Variants in OCA2 observed in about 807,000 individuals in gnomAD.
The protein encoded by OCA2 is OCA2 melanosomal transmembrane protein, also known as P protein.
In OCA2, 77 loss-of-function variants were observed where a neutral mutation model predicts 100.2. The ratio of observed to expected loss-of-function variants is 0.77; its 90% CI spans 0.64 to 0.93. OCA2 has a LOEUF of 0.93. Among genes scored for constraint, OCA2 ranks in the 40% least tolerant of loss-of-function variants. The probability of loss-of-function intolerance (pLI) is 0.00; values close to 1 mark genes in which losing one functional copy is unlikely to be tolerated. For missense variants in OCA2, 1,062 were observed against 1,089.1 expected (o/e 0.98, Z 0.35); for synonymous variants, 432 against 439.2 (o/e 0.98, Z 0.21).
chr15:28,087,469 G>A (rs2044795405), intron 1 of OCA2, among the ~76,000 whole-genome samples: 3 of 152,228 alleles, frequency 2.0e-5, no homozygotes, highest in Admixed American at 6.5e-5. Context: ...GGTAAGGAGA[G>A]GCATGGTGGT....
intron 2 of OCA2, among the ~76,000 whole-genome samples, chr15:28,037,991 CCTGT>C (rs1477504207): frequency 6.6e-6 from 1 of 152,212 alleles, no homozygotes; most frequent in Non-Finnish European, 1.5e-5. Flanking sequence ...CAAGGTTTCA[CCTGT>C]CTGTTTCTTT....
intron 9 of OCA2, among the ~76,000 whole-genome samples, chr15:28,002,567 A>G (rs1021453682): frequency 6.6e-6 from 1 of 152,126 alleles, no homozygotes; most frequent in Non-Finnish European, 1.5e-5. Context: ...GAGATTGTGT[A>G]CCTGGTTTGA....
intron 13 of OCA2, 95 bp from the exon 14 acceptor site, chr15:27,983,578 A>G: frequency 7.5e-7 from 1 of 1,341,740 alleles, no homozygotes. Flanking sequence ...TTGCTCGTAT[A>G]AGGGAGGCGC....
intron 2 of OCA2, among the ~76,000 whole-genome samples, chr15:28,069,879 G>A (rs1166825174): frequency 7.9e-6 from 1 of 126,736 alleles, no homozygotes; most frequent in Non-Finnish European, 1.5e-5. Context: ...TGGGATGTGA[G>A]GAGCCCCTCT....
intron 2 of OCA2, among the ~76,000 whole-genome samples, chr15:28,069,827 G>A (rs371133645): frequency 0.042 from 5,324 of 126,248 alleles, 93 homozygotes; most frequent in East Asian, 0.12. Flanking sequence ...CCGCCACCCC[G>A]TCTGGGAAGT....
intron 23 of OCA2, among the ~76,000 whole-genome samples, chr15:27,778,583 C>T (rs2032370271): frequency 6.6e-6 from 1 of 151,624 alleles, no homozygotes; most frequent in South Asian, 2.1e-4. Context: ...TTTTAAATTA[C>T]ATATCTTGTA....
At chr15:27,882,068 T>C (rs1443387722) in intron 19 of OCA2, among the ~76,000 whole-genome samples, 2 of 152,184 alleles carry the variant, frequency 1.3e-5, no homozygotes, top group African/African-American at 4.8e-5. Flanking sequence ...TTCTTTGTTC[T>C]CTTTGGTTTC....
intron 23 of OCA2, among the ~76,000 whole-genome samples, chr15:27,803,387 T>C (rs2033693378): frequency 6.6e-6 from 1 of 152,238 alleles, no homozygotes; most frequent in South Asian, 2.1e-4. Flanking sequence ...TGGAATATTA[T>C]TCATCCTTAA....
At chr15:27,878,055 T>C (rs1260915932) in intron 19 of OCA2, among the ~76,000 whole-genome samples, 1 of 151,678 alleles carries the variant, frequency 6.6e-6, no homozygotes, top group African/African-American at 2.4e-5. Context: ...TGAATTAAAA[T>C]ATACATACAT....
chr15:27,881,752 C>G (rs1029188220), intron 19 of OCA2, among the ~76,000 whole-genome samples: 1 of 151,846 alleles, frequency 6.6e-6, no homozygotes, highest in African/African-American at 2.4e-5. Context: ...CTATTTGATT[C>G]TTCTCTCTTT....
chr15:28,040,663 A>T (rs894376341), intron 2 of OCA2, among the ~76,000 whole-genome samples: 1 of 152,170 alleles, frequency 6.6e-6, no homozygotes, highest in African/African-American at 2.4e-5. Flanking sequence ...ATGACTACCA[A>T]TTTTTAAAAA....
chr15:27,816,152 T>C (rs1189473143), intron 23 of OCA2, among the ~76,000 whole-genome samples: 2 of 151,444 alleles, frequency 1.3e-5, no homozygotes, highest in East Asian at 3.9e-4. Context: ...AAAAACAAAA[T>C]AAGAAAATAA....
chr15:27,942,508 G>C (rs984373790), intron 18 of OCA2, among the ~76,000 whole-genome samples: 4 of 152,022 alleles, frequency 2.6e-5, no homozygotes, highest in African/African-American at 4.8e-5. Context: ...TTGGGGAAAG[G>C]GGGGAAGCAG....
At chr15:27,732,656 T>A in the OCA2 span, among the ~76,000 whole-genome samples, 2 of 152,120 alleles carry the variant, frequency 1.3e-5, no homozygotes, top group African/African-American at 4.8e-5. Flanking sequence ...GGGTTCTCCC[T>A]TGTGACACTG....
At chr15:28,017,655 GA>G (rs992098128) in intron 7 of OCA2, among the ~76,000 whole-genome samples, 3 of 152,240 alleles carry the variant, frequency 2.0e-5, no homozygotes, top group African/African-American at 7.2e-5. Flanking sequence ...TACAAGGCAG[GA>G]AAAGGGGAGG....
At chr15:28,045,255 T>C (rs1020819571) in intron 2 of OCA2, among the ~76,000 whole-genome samples, 2 of 152,222 alleles carry the variant, frequency 1.3e-5, no homozygotes, top group Non-Finnish European at 2.9e-5. Flanking sequence ...ACAGTCTAAC[T>C]GAAAATGATA....
In OCA2 at chr15:27,942,763, C is replaced by T. The variant is rs149946660; in HGVS notation, c.1951+9021G>A. 5.3e-5 allele frequency among the ~76,000 whole-genome samples: 8 copies of T among 152,208 alleles called. No homozygotes were observed. In the East Asian group the frequency reaches 5.8e-4, roughly 11 times the overall value. On this transcript the variant is annotated intron_variant, in intron 18 of 23. Transcript: ENST00000354638. ...TGATGAAATTTGGTAATTCTACCCA[C>T]GGTGAGGATAGTAAGGAAAGCAGCT...
At chr15:27,841,811 T>G (rs1410234357) in intron 23 of OCA2, among the ~76,000 whole-genome samples, 3 of 152,180 alleles carry the variant, frequency 2.0e-5, no homozygotes, top group African/African-American at 7.2e-5. Flanking sequence ...GAGTATAATC[T>G]CAGTAGAATT....
chr15:27,846,056 A>C (rs931532384), intron 22 of OCA2, among the ~76,000 whole-genome samples: 2 of 152,102 alleles, frequency 1.3e-5, no homozygotes, highest in African/African-American at 4.8e-5. Context: ...CCAAAGGAAG[A>C]TCAGTGAGAG....
Sources: allele counts gnomAD v4.1 joint callset (sites outside exome capture counted in the v4.1 genomes callset), GRCh38; gene constraint gnomAD v4.1.1; transcripts MANE v1.5; gene names NCBI Gene and HGNC (gene_info 2026-07-23, HGNC 2026-07-21).